Variants in CCNY observed in about 807,000 individuals in gnomAD.
CCNY encodes the protein cyclin-Y.
A neutral mutation model predicts 42.8 loss-of-function variants in CCNY; 19 were observed. That is an observed-to-expected ratio of 0.44 (90% CI 0.31 to 0.65). The LOEUF (loss-of-function observed/expected upper bound fraction) is 0.65. Among genes scored for constraint, CCNY ranks in the 30% least tolerant of loss-of-function variants. The probability of loss-of-function intolerance (pLI) is 0.07; values close to 1 mark genes in which losing one functional copy is unlikely to be tolerated. For missense variants in CCNY, 370 were observed against 437.3 expected, an observed-to-expected ratio of 0.85 and a Z score of 1.37; for synonymous variants, 165 against 162.7, an observed-to-expected ratio of 1.01 and a Z score of -0.11.
At chr10:35,443,244 A>C (rs1451124788) in intron 1 of CCNY, among the ~76,000 whole-genome samples, 1 of 152,178 alleles carries the variant, frequency 6.6e-6, no homozygotes, top group Non-Finnish European at 1.5e-5. Flanking sequence ...ACTGATACAA[A>C]ATATTTTTCT....
intron 1 of CCNY, among the ~76,000 whole-genome samples, chr10:35,430,864 A>T (rs1426912028): frequency 1.3e-5 from 2 of 152,150 alleles, no homozygotes; most frequent in African/African-American, 4.8e-5. Context: ...TAATCCCAGC[A>T]CTTTGGGAGG....
intron 3 of CCNY, among the ~76,000 whole-genome samples, chr10:35,319,336 T>C (rs1476686456): frequency 6.6e-6 from 1 of 152,116 alleles, no homozygotes; most frequent in East Asian, 1.9e-4. Context: ...TTATGATCGC[T>C]ACTGTATTCC....
intron 1 of CCNY, among the ~76,000 whole-genome samples, chr10:35,412,025 G>A (rs1434228001): frequency 2.0e-5 from 3 of 152,216 alleles, no homozygotes; most frequent in Non-Finnish European, 2.9e-5. Context: ...TCAGACCAAA[G>A]GAGCAGCTCC....
At chr10:35,494,168 G>T (rs1436473176) in intron 2 of CCNY, among the ~76,000 whole-genome samples, 1 of 151,734 alleles carries the variant, frequency 6.6e-6, no homozygotes, top group Non-Finnish European at 1.5e-5. Context: ...CCAGCATTTT[G>T]GGAGGCTGAG....
At position 35,553,081 on chromosome 10, in the gene CCNY, G is replaced by T. The variant is rs373219386; in HGVS notation, c.642G>T (p.Arg214=). The T allele has an allele frequency of 1.9e-5, 31 of 1,614,100 alleles. No individual in the cohort carries two copies. The highest frequency in any genetic ancestry group is 2.5e-5 in the Non-Finnish European group (30 of 1,180,038). The part of the protein sequence containing the change: ...EIDICPANWK[R]IVLGAILLAS... ...ATATCTGTCCGGCCAACTGGAAGCGGATTGTTTTAGGGGCGATCCTGCTGG... is the reference window on the plus strand; with the variant it reads ...ATATCTGTCCGGCCAACTGGAAGCGTATTGTTTTAGGGGCGATCCTGCTGG... Residue 214 remains arginine (R), a synonymous_variant, in exon 8 of 10, where the codon CGG becomes CGT. Transcript: ENST00000374704.
At chr10:35,269,986 C>G (rs1244512227) in intron 3 of CCNY, among the ~76,000 whole-genome samples, 1 of 152,128 alleles carries the variant, frequency 6.6e-6, no homozygotes, top group Non-Finnish European at 1.5e-5. Flanking sequence ...GGTTCTTTGC[C>G]ACTTTTGAAC....
intron 1 of CCNY, among the ~76,000 whole-genome samples, chr10:35,411,957 G>A (rs566792517): frequency 2.1e-4 from 32 of 152,354 alleles, no homozygotes; most frequent in African/African-American, 7.5e-4. Flanking sequence ...TGGGAAGGTT[G>A]CAGGTGAACT....
chr10:35,509,934 G>A (rs951011071), intron 3 of CCNY, among the ~76,000 whole-genome samples: 1 of 152,172 alleles, frequency 6.6e-6, no homozygotes, highest in Non-Finnish European at 1.5e-5. Context: ...TGGGAGTTCA[G>A]CAGGTGGCAG....
intron 1 of CCNY, among the ~76,000 whole-genome samples, chr10:35,379,059 C>T (rs1316767069): frequency 2.0e-5 from 3 of 152,144 alleles, no homozygotes; most frequent in African/African-American, 7.2e-5. Context: ...ATGCTGTTGC[C>T]ACTGTACAGA....
At chr10:35,504,872 G>C (rs1429282998) in intron 3 of CCNY, among the ~76,000 whole-genome samples, 8 of 152,112 alleles carry the variant, frequency 5.3e-5, no homozygotes, top group African/African-American at 1.7e-4. Context: ...CCTGACCTCA[G>C]GTGATCCACC....
At chr10:35,559,925 A>G (rs550176601) in intron 8 of CCNY, among the ~76,000 whole-genome samples, 3 of 152,316 alleles carry the variant, frequency 2.0e-5, no homozygotes, top group African/African-American at 4.8e-5. Context: ...TAAGTCTTCA[A>G]TCCCTGGAGC....
chr10:35,524,193 A>G (rs890854433), intron 4 of CCNY, among the ~76,000 whole-genome samples: 7 of 152,118 alleles, frequency 4.6e-5, no homozygotes, highest in African/African-American at 1.4e-4. Context: ...AATAACATCT[A>G]TTTTTTCTTG....
intron 1 of CCNY, among the ~76,000 whole-genome samples, chr10:35,458,828 T>C (rs969255643): frequency 5.3e-5 from 8 of 152,236 alleles, no homozygotes; most frequent in African/African-American, 1.9e-4. Flanking sequence ...ACCAAGGCTC[T>C]TTGTTTCCCA....
intron 1 of CCNY, among the ~76,000 whole-genome samples, chr10:35,473,318 C>G (rs1298201680): frequency 6.6e-6 from 1 of 152,222 alleles, no homozygotes; most frequent in Non-Finnish European, 1.5e-5. Context: ...TGGAAATGCT[C>G]TGGTGGGGCT....
upstream of CCNY, among the ~76,000 whole-genome samples, chr10:35,334,116 A>G (rs889818306): frequency 3.3e-5 from 5 of 151,990 alleles, no homozygotes; most frequent in African/African-American, 4.8e-5. Context: ...GTATGTGGCT[A>G]CACTGATCTC....
chr10:35,498,604 T>C (rs1840048726), intron 2 of CCNY, among the ~76,000 whole-genome samples: 1 of 152,080 alleles, frequency 6.6e-6, no homozygotes, highest in South Asian at 2.1e-4. Context: ...TACCCCCCAA[T>C]CCAGGCAGGA....
At chr10:35,430,268 C>T (rs982827901) in intron 1 of CCNY, among the ~76,000 whole-genome samples, 1 of 129,312 alleles carries the variant, frequency 7.7e-6, no homozygotes. Context: ...ACCCGGGAGG[C>T]GGAGCTTGCA....
At chr10:35,358,481 GA>G (rs1564381037) in intron 1 of CCNY, among the ~76,000 whole-genome samples, 1 of 152,154 alleles carries the variant, frequency 6.6e-6, no homozygotes, top group Non-Finnish European at 1.5e-5. Flanking sequence ...AGGAACAAAT[GA>G]AGTTGAAAAG....
At chr10:35,446,834 A>T (rs186451492) in intron 1 of CCNY, among the ~76,000 whole-genome samples, 3 of 152,312 alleles carry the variant, frequency 2.0e-5, no homozygotes, top group African/African-American at 7.2e-5. Flanking sequence ...GTAATAAGCA[A>T]TTTGTCTCTT....
Sources: allele counts gnomAD v4.1 joint callset (sites outside exome capture counted in the v4.1 genomes callset), GRCh38; gene constraint gnomAD v4.1.1; transcripts MANE v1.5; gene names NCBI Gene and HGNC (gene_info 2026-07-23, HGNC 2026-07-21).